LRRC4C: variants seen among roughly 807,000 people sequenced by gnomAD.
The protein encoded by LRRC4C is leucine rich repeat containing 4C, also known as leucine-rich repeat-containing protein 4C.
LRRC4C carries 5 observed loss-of-function variants against 33.6 expected under a neutral mutation model. That is an observed-to-expected ratio of 0.15 (90% CI 0.08 to 0.31). The LOEUF (loss-of-function observed/expected upper bound fraction) is 0.31, where lower values mean the gene tolerates loss of function less well. Ranked by LOEUF, LRRC4C falls within the 10% of genes least tolerant of loss-of-function variation. LRRC4C has a pLI of 1.00. For synonymous variants in LRRC4C, 329 were observed against 302.0 expected (o/e 1.09, Z -0.93); for missense variants, 560 against 796.7 (o/e 0.70, Z 3.58).
chr11:40,801,108 T>G (rs1240974971), intron 2 of LRRC4C, among the ~76,000 whole-genome samples: 1 of 152,194 alleles, frequency 6.6e-6, no homozygotes, highest in Non-Finnish European at 1.5e-5. Context: ...ATAGTCACAA[T>G]GAATCACTCT....
chr11:40,823,076 T>G (rs1455391662), intron 2 of LRRC4C, among the ~76,000 whole-genome samples: 3 of 151,784 alleles, frequency 2.0e-5, no homozygotes, highest in Non-Finnish European at 4.4e-5. Context: ...ATCAAAGCAT[T>G]CAATGTCAAA....
chr11:40,588,651 C>T (rs1477114296), intron 3 of LRRC4C, among the ~76,000 whole-genome samples: 26 of 152,004 alleles, frequency 1.7e-4, no homozygotes, highest in South Asian at 1.0e-3. Flanking sequence ...GCTTTGAATG[C>T]GTCCCAGAGA....
chr11:41,057,703 TGAC>T (rs1485721140), intron 1 of LRRC4C, among the ~76,000 whole-genome samples: 1 of 152,156 alleles, frequency 6.6e-6, no homozygotes, highest in African/African-American at 2.4e-5. Flanking sequence ...TCCTCTCTGC[TGAC>T]AGTTGCAGAG....
At chr11:40,975,533 C>T (rs571197832) in intron 1 of LRRC4C, among the ~76,000 whole-genome samples, 1 of 152,270 alleles carries the variant, frequency 6.6e-6, no homozygotes, top group East Asian at 1.9e-4. Flanking sequence ...GTTAAGTAGC[C>T]TCATCTCTTT....
At chr11:40,812,357 A>G (rs951530145) in intron 2 of LRRC4C, among the ~76,000 whole-genome samples, 1 of 152,186 alleles carries the variant, frequency 6.6e-6, no homozygotes. Context: ...AGTTATATAC[A>G]TCTTGTGAAT....
chr11:40,948,309 A>G (rs1958507164), intron 1 of LRRC4C, among the ~76,000 whole-genome samples: 1 of 152,180 alleles, frequency 6.6e-6, no homozygotes, highest in South Asian at 2.1e-4. Context: ...CGTGGGTTTT[A>G]CTAATTATTT....
In LRRC4C at chr11:40,701,633, AAT is replaced by A. The variant is rs144774706; in HGVS notation, c.-406-53357_-406-53356del. 5.9e-3 allele frequency among the ~76,000 whole-genome samples: 876 copies of A among 148,022 alleles called. 7 individuals carry two copies. The highest frequency in any genetic ancestry group is 0.02 in the African/African-American group (808 of 40,722). On this transcript the variant is annotated intron_variant, in intron 2 of 6. Coordinates refer to ENST00000528697, the MANE Select transcript of LRRC4C (RefSeq NM_001258419.2). ...TATATATGTATACATATATACATGA[AAT>A]ATATATATATATAAAACATAAAGAT...
At chr11:40,215,459 A>T (rs1471923178) in intron 5 of LRRC4C, among the ~76,000 whole-genome samples, 1 of 152,194 alleles carries the variant, frequency 6.6e-6, no homozygotes, top group Non-Finnish European at 1.5e-5. Context: ...CATCCAATAA[A>T]TTGTAGAATG....
At chr11:40,704,468 G>A (rs1440618610) in intron 2 of LRRC4C, among the ~76,000 whole-genome samples, 3 of 152,054 alleles carry the variant, frequency 2.0e-5, no homozygotes, top group African/African-American at 7.2e-5. Flanking sequence ...ACATCAAAAT[G>A]GTCTCCCTGA....
rs117874773 is a variant in LRRC4C, at chr11:41,273,107, C to T, written c.-496+186324G>A. Among the ~76,000 whole-genome samples, 176 of 152,206 alleles carry T rather than the reference C, an allele frequency of 1.2e-3. 2 individuals are homozygous for T. The East Asian group carries it at 0.031, about 26-fold the overall frequency. ...AATAGCTAGAAAATGCAATGCCAGACAGTAGTTAATGCTATAAGGAAAAGG... is the reference window on the plus strand; with the variant it reads ...AATAGCTAGAAAATGCAATGCCAGATAGTAGTTAATGCTATAAGGAAAAGG... On this transcript the variant is annotated intron_variant, in intron 1 of 6. Transcript: ENST00000528697.
In LRRC4C at chr11:40,651,721, CTGCTAGAAA is replaced by C. The variant is rs144238439; in HGVS notation, c.-406-3452_-406-3444del. Among the ~76,000 whole-genome samples, 337 of 152,296 alleles carry C rather than the reference CTGCTAGAAA, an allele frequency of 2.2e-3. 11 individuals are homozygous for C. The East Asian group carries it at 0.06, about 27-fold the overall frequency. ...TTACAACTCTGCAAATTGTAAATAA[CTGCTAGAAA>C]TGCAAAATCATTTTCCTCTGTAGGC... On this transcript the variant is annotated intron_variant, in intron 2 of 6. Transcript: ENST00000528697.
chr11:40,952,105 T>G (rs1191017885), intron 1 of LRRC4C, among the ~76,000 whole-genome samples: 1 of 152,012 alleles, frequency 6.6e-6, no homozygotes, highest in Admixed American at 6.6e-5. Context: ...ATGCACATAC[T>G]GTCCAAGGCA....
At chr11:41,318,253 A>T (rs945847294) in intron 1 of LRRC4C, among the ~76,000 whole-genome samples, 40 of 151,530 alleles carry the variant, frequency 2.6e-4, no homozygotes, top group African/African-American at 9.0e-4. Context: ...ATTTGATGTA[A>T]CTATTTTCTT....
intron 3 of LRRC4C, among the ~76,000 whole-genome samples, chr11:40,413,802 A>G (rs1398603232): frequency 6.6e-6 from 1 of 152,118 alleles, no homozygotes; most frequent in Non-Finnish European, 1.5e-5. Context: ...AGGATCAGAA[A>G]TTATGTTCGT....
At chr11:41,378,596 T>G (rs1953027563) in intron 1 of LRRC4C, among the ~76,000 whole-genome samples, 1 of 152,164 alleles carries the variant, frequency 6.6e-6, no homozygotes, top group Non-Finnish European at 1.5e-5. Flanking sequence ...GGATTTATCC[T>G]TTGGGAATTC....
intron 1 of LRRC4C, among the ~76,000 whole-genome samples, chr11:41,421,077 C>T (rs540593049): frequency 2.6e-5 from 4 of 152,012 alleles, no homozygotes; most frequent in African/African-American, 9.6e-5. Flanking sequence ...TGCCTCAGTT[C>T]CCTCATCTGT....
chr11:41,279,064 G>A (rs1255675216), intron 1 of LRRC4C, among the ~76,000 whole-genome samples: 3 of 152,010 alleles, frequency 2.0e-5, no homozygotes, highest in Non-Finnish European at 2.9e-5. Flanking sequence ...GTGGCATTTG[G>A]TTTTCTGTTC....
rs544953909 is a variant in LRRC4C, at chr11:40,116,080, C to T, written c.213G>A (p.Pro71=). The T allele has an allele frequency of 4.8e-5, 77 of 1,613,968 alleles. 1 individual carries two copies. The Middle Eastern group carries it at 8.3e-4, about 17-fold the overall frequency. Residue 71 remains proline, a synonymous_variant, in exon 7 of 7, where the codon CCG becomes CCA. Coordinates refer to ENST00000528697, the MANE Select transcript of LRRC4C (RefSeq NM_001258419.2). ...ICVRKNLREV[P]DGISTNTRLL... Reference sequence around the variant, plus strand: ...GCCGTGTGTTGGTGGAGATGCCATCCGGAACCTCACGCAGGTTTTTCCGAA... The same window carrying T: ...GCCGTGTGTTGGTGGAGATGCCATCTGGAACCTCACGCAGGTTTTTCCGAA...
chr11:40,793,611 CAG>C (rs1411871119), intron 2 of LRRC4C, among the ~76,000 whole-genome samples: 1 of 152,094 alleles, frequency 6.6e-6, no homozygotes, highest in East Asian at 1.9e-4. Context: ...AACTGAGGCA[CAG>C]AGAGGTCAAG....
Sources: gnomAD v4.1 joint callset for allele counts (sites outside exome capture counted in the v4.1 genomes callset) on GRCh38, gnomAD v4.1.1 for gene constraint, MANE v1.5 for transcripts, NCBI Gene and HGNC (gene_info 2026-07-23, HGNC 2026-07-21) for gene names.